The following NLRP2 variants were observed in gnomAD, a reference collection of about 807,000 sequenced individuals.
The protein encoded by NLRP2 is NACHT, LRR and PYD domains-containing protein 2.
NLRP2 carries 107 observed loss-of-function variants against 97.2 expected under a neutral mutation model. That is an observed-to-expected ratio of 1.10 (90% confidence interval 0.94 to 1.29). The LOEUF (loss-of-function observed/expected upper bound fraction) is 1.29, where lower values mean the gene tolerates loss of function less well. Among genes scored for constraint, NLRP2 ranks in the 50% most tolerant of loss-of-function variants. The pLI is 0.00. For missense variants in NLRP2, 1,495 were observed against 1,330.3 expected (o/e 1.12, Z -1.93); for synonymous variants, 663 against 551.5 (o/e 1.20, Z -2.83).
chr19:54,985,294 A>G (rs2071982615), intron 7 of NLRP2, 77 bp downstream of exon 7: 1 of 1,381,322 alleles, frequency 7.2e-7, no homozygotes, highest in African/African-American at 1.4e-5. Context: ...AGCAATATTC[A>G]GATTCCTGTA....
At chr19:54,980,211 T>TG (rs899343655) in intron 4 of NLRP2, among the ~76,000 whole-genome samples, 15 of 151,790 alleles carry the variant, frequency 9.9e-5, no homozygotes, top group African/African-American at 3.6e-4. Flanking sequence ...TGTTTTGTTT[T>TG]TTTTTTTGAG....
intron 1 of NLRP2, 140 bp from the exon 2 acceptor site, chr19:54,969,857 ATG>A: frequency 1.3e-6 from 1 of 798,720 alleles, no homozygotes; most frequent in Non-Finnish European, 2.1e-6. Flanking sequence ...GGGTCTCACT[ATG>A]TTGCCCAGGC....
intron 11 of NLRP2, among the ~76,000 whole-genome samples, chr19:54,996,523 A>G (rs983375945): frequency 1.3e-5 from 2 of 152,084 alleles, no homozygotes; most frequent in African/African-American, 4.8e-5. Context: ...CAAAGATGGA[A>G]GTTATTTAAC....
chr19:54,988,822 A>C lies in NLRP2; in HGVS notation c.2367-1200A>C, dbSNP rs935577371. Among the ~76,000 whole-genome samples the C allele has an allele frequency of 2.0e-5, 3 of 151,060 alleles. No individual in the cohort carries two copies. In the East Asian group the frequency reaches 6.1e-4, roughly 31 times the overall value. On this transcript the variant is annotated intron_variant, in intron 8 of 12. Coordinates refer to ENST00000448584, the MANE Select transcript of NLRP2 (RefSeq NM_017852.5). ...CATGAGCCACTGTGCCCAGCCACTC[A>C]TTTCTTATGAATTTATTCTAACACA...
upstream of NLRP2, among the ~76,000 whole-genome samples, chr19:54,965,565 C>T (rs1286542748): frequency 1.3e-5 from 1 of 77,602 alleles, no homozygotes; most frequent in African/African-American, 5.8e-5. Flanking sequence ...ACGCCATTCT[C>T]CTGCCTCAGC....
intron 9 of NLRP2, 41 bp downstream of exon 9, chr19:54,990,233 C>A: frequency 6.2e-7 from 1 of 1,600,408 alleles, no homozygotes; most frequent in Non-Finnish European, 8.6e-7. Context: ...TGCTTTCGAT[C>A]TGGGGCCACA....
At chr19:54,980,327 C>T (rs34548796) in intron 4 of NLRP2, among the ~76,000 whole-genome samples, 24,881 of 151,772 alleles carry the variant, frequency 0.16, 2,778 homozygotes, top group Non-Finnish European at 0.25. Flanking sequence ...TCCCCAGTAG[C>T]TGGGACTACA....
At chr19:54,990,719 C>G in intron 10 of NLRP2, 47 bp downstream of exon 10, 1 of 1,587,948 alleles carries the variant, frequency 6.3e-7, no homozygotes, top group Non-Finnish European at 8.6e-7. Flanking sequence ...TATGCACACG[C>G]CCCCCACCTC....
intron 4 of NLRP2, among the ~76,000 whole-genome samples, chr19:54,978,151 C>G (rs1337197826): frequency 6.6e-6 from 1 of 152,048 alleles, no homozygotes; most frequent in African/African-American, 2.4e-5. Context: ...CTCCACCTCC[C>G]AGGTTCAAGC....
intron 6 of NLRP2, 60 bp downstream of exon 6, chr19:54,983,788 G>A (rs2071831966): frequency 1.9e-6 from 3 of 1,597,376 alleles, no homozygotes; most frequent in Admixed American, 1.7e-5. Context: ...TGCCCCCTTA[G>A]GAAGAGGCCA....
At chr19:54,977,932 C>A in intron 4 of NLRP2, 109 bp downstream of exon 4, 1 of 1,032,396 alleles carries the variant, frequency 9.7e-7, no homozygotes, top group Non-Finnish European at 1.5e-6. Context: ...TTTTCCTCCA[C>A]TATTCTTAAT....
chr19:54,990,565 C>A lies in NLRP2; in HGVS notation c.2601C>A (p.Ser867Arg). Residue 867 changes from serine to arginine, a missense_variant, in exon 10 of 13, where the codon AGC becomes AGA. Transcript: ENST00000448584. The part of the protein sequence containing the change: ...CKDLAAVLVV[S>R]RELTHLCLAK... Reference sequence around the variant, plus strand: ...ACCTTGCTGCTGTGTTGGTTGTCAGCCGGGAGCTGACACACCTGTGCTTGG... The same window carrying A: ...ACCTTGCTGCTGTGTTGGTTGTCAGACGGGAGCTGACACACCTGTGCTTGG... The A allele has an allele frequency of 6.2e-7, 1 of 1,614,140 alleles. No individual in the cohort carries two copies. The highest frequency in any genetic ancestry group is 1.1e-5 in the South Asian group (1 of 91,074).
chr19:54,995,683 C>T (rs1210809001), intron 11 of NLRP2, among the ~76,000 whole-genome samples: 1 of 152,022 alleles, frequency 6.6e-6, no homozygotes, highest in African/African-American at 2.4e-5. Context: ...TTACAAATAC[C>T]TTGTGAGTTA....
In NLRP2 at chr19:54,976,848, C is replaced by G. The variant is rs1394282981; in HGVS notation, c.326-904C>G. The G allele has an allele frequency of 9.9e-6, 3 of 302,396 alleles. No homozygotes were observed. In the African/African-American group the frequency reaches 1.3e-4, roughly 13 times the overall value. 18.7% of individuals were successfully genotyped at this position (302,396 alleles called of 1,614,324 possible). A position where few individuals can be genotyped will look rare whatever the true frequency, so the allele number is the denominator to read the frequency against. On this transcript the variant is annotated intron_variant, in intron 3 of 12. Coordinates refer to ENST00000448584, the MANE Select transcript of NLRP2 (RefSeq NM_017852.5). ...TTTTTTTGATACGGAGTCTCGCTTG[C>G]TCTTTTGCCAGGCTGAAGTGCAGTG... is the stretch of plus-strand genomic sequence containing the variant.
rs774348072 is a variant in NLRP2, at chr19:54,990,036, C to T, written c.2381C>T (p.Ser794Phe). The T allele has an allele frequency of 1.9e-6, 3 of 1,613,698 alleles. No individual in the cohort carries two copies. Among genetic ancestry groups the T allele is most frequent in the South Asian group, 1.1e-5 (1 of 91,076 alleles). Residue 794 changes from serine to phenylalanine, a missense_variant, in exon 9 of 13, where the codon TCC becomes TTC. Ser to Phe is a radical substitution (Grantham distance 155, BLOSUM62 -2). Transcript: ENST00000448584. ...NLRYLGLVSC[S>F]ATTQQWADLS... Reference sequence around the variant, plus strand: ...TTCTCCCACAGGTTGGTGTCTTGTTCCGCTACCACTCAGCAGTGGGCTGAT... The same window carrying T: ...TTCTCCCACAGGTTGGTGTCTTGTTTCGCTACCACTCAGCAGTGGGCTGAT...
chr19:54,966,772 C>T (rs1393071702), intron 1 of NLRP2, among the ~76,000 whole-genome samples: 1 of 150,286 alleles, frequency 6.7e-6, no homozygotes, highest in Non-Finnish European at 1.5e-5. Flanking sequence ...GGTCTCAGTC[C>T]GCCTCGGCCT....
intron 2 of NLRP2, chr19:54,974,069 C>A (rs1335788895): frequency 7.9e-6 from 8 of 1,011,448 alleles, no homozygotes; most frequent in East Asian, 5.1e-5. Context: ...TTAAAAGATA[C>A]AAGCAGCCAA....
chr19:54,980,824 A>C (rs1296755544), intron 4 of NLRP2, among the ~76,000 whole-genome samples: 1 of 152,130 alleles, frequency 6.6e-6, no homozygotes, highest in African/African-American at 2.4e-5. Context: ...ATAAAAGCAG[A>C]CCTGGCCCAG....
rs779493327 is a variant in NLRP2, at chr19:54,983,659, C to T, written c.1961C>T (p.Ser654Leu). ...CACTGTCGAAACCTGCAGAAAATGT[C>T]ACTGCAGGTAATAAAGGAGAATCTC... Reference protein sequence around the residue: ...VKHCRNLQKMSLQVIKENLPE... With the variant: ...VKHCRNLQKMLLQVIKENLPE... Residue 654 changes from serine to leucine, a missense_variant, in exon 6 of 13, where the codon TCA (serine) becomes TTA (leucine). Physicochemically the swap from Ser to Leu is moderately radical, Grantham distance 145. Transcript: ENST00000448584. 5 of 1,613,928 alleles carry T rather than the reference C, an allele frequency of 3.1e-6. No individual in the cohort carries two copies. The highest frequency in any genetic ancestry group is 3.3e-5 in the Admixed American group (2 of 59,988).
Sources: allele counts gnomAD v4.1 joint callset (sites outside exome capture counted in the v4.1 genomes callset), GRCh38; gene constraint gnomAD v4.1.1; transcripts MANE v1.5; gene names NCBI Gene and HGNC (gene_info 2026-07-23, HGNC 2026-07-21).